Variants in CYP4F12 observed in about 807,000 individuals in gnomAD.
CYP4F12 encodes the protein cytochrome P450 family 4 subfamily F member 12.
In CYP4F12, 60 loss-of-function variants were observed where a neutral mutation model predicts 56.5. The observed-to-expected ratio is 1.06, with a 90% confidence interval of 0.86 to 1.32. The LOEUF is 1.32. Among genes scored for constraint, CYP4F12 ranks in the 40% most tolerant of loss-of-function variants. The pLI, the probability that CYP4F12 is intolerant of heterozygous loss-of-function variation, is 0.00. For missense variants in CYP4F12, 711 were observed against 683.5 expected (o/e 1.04, Z -0.45); for synonymous variants, 263 against 264.9 (o/e 0.99, Z 0.07).
intron 12 of CYP4F12, 63 bp downstream of exon 12, chr19:15,696,575 G>T (rs969154348): frequency 1.3e-6 from 2 of 1,538,242 alleles, no homozygotes; most frequent in Non-Finnish European, 1.8e-6. Context: ...AAAAAAGGGG[G>T]ACGTTGCAGA....
At position 15,692,084 on chromosome 19, in the gene CYP4F12, G is replaced by A. The variant is rs540070985; in HGVS notation, c.1116-3852G>A. On this transcript the variant is annotated intron_variant, in intron 9 of 12. Coordinates refer to ENST00000550308, the MANE Select transcript of CYP4F12 (RefSeq NM_023944.4). Reference sequence around the variant, plus strand: ...AGCTATTCTCCTGCCTCAGCCTCCCGAGTAACTGGGACTACAGGCACCCTC... The same window carrying A: ...AGCTATTCTCCTGCCTCAGCCTCCCAAGTAACTGGGACTACAGGCACCCTC... Among the ~76,000 whole-genome samples the A allele has an allele frequency of 7.2e-5, 11 of 151,992 alleles. No individual in the cohort carries two copies. The East Asian group carries it at 1.4e-3, about 19-fold the overall frequency.
At chr19:15,677,530 C>T (rs1480281213) in intron 2 of CYP4F12, among the ~76,000 whole-genome samples, 2 of 59,600 alleles carry the variant, frequency 3.4e-5, no homozygotes, top group Non-Finnish European at 3.4e-5. Context: ...ACTCATTCCT[C>T]TCCTCACTCG....
intron 12 of CYP4F12, 33 bp from the exon 13 acceptor site, chr19:15,696,875 G>A (rs548950655): frequency 2.5e-6 from 4 of 1,586,954 alleles, no homozygotes; most frequent in Admixed American, 1.7e-5. Context: ...TGCGGGTCTT[G>A]GGCACAGTCA....
chr19:15,696,347 A>G (rs688231), intron 11 of CYP4F12, 83 bp from the exon 12 acceptor site: 396,249 of 1,607,930 alleles, frequency 0.25, 51,225 homozygotes, highest in African/African-American at 0.4. Context: ...ACATCACCTC[A>G]CCCCAAAACA....
intron 9 of CYP4F12, among the ~76,000 whole-genome samples, chr19:15,689,970 G>T (rs1177655088): frequency 7.2e-5 from 11 of 152,176 alleles, no homozygotes; most frequent in Non-Finnish European, 1.6e-4. Context: ...TGGGAGCCGG[G>T]TAAGGGAGAA....
chr19:15,676,097 G>A (rs1234032621), intron 2 of CYP4F12, among the ~76,000 whole-genome samples: 1 of 152,142 alleles, frequency 6.6e-6, no homozygotes, highest in East Asian at 1.9e-4. Context: ...CAGCAGAAGA[G>A]AGAGCAAGTT....
intron 8 of CYP4F12, 58 bp downstream of exon 8, chr19:15,684,940 G>C: frequency 6.4e-7 from 1 of 1,567,480 alleles, no homozygotes; most frequent in Non-Finnish European, 8.7e-7. Context: ...CTCAGGATCC[G>C]GGTGGGTGGA....
chr19:15,678,431 G>C (rs753522189), intron 3 of CYP4F12, 26 bp downstream of exon 3: 1 of 1,613,802 alleles, frequency 6.2e-7, no homozygotes, highest in East Asian at 2.2e-5. Context: ...TTGTGGTGGT[G>C]GGTGCCAGAC....
At chr19:15,679,030 C>T (rs2007139065) in intron 3 of CYP4F12, among the ~76,000 whole-genome samples, 3 of 152,198 alleles carry the variant, frequency 2.0e-5, no homozygotes, top group African/African-American at 7.2e-5. Flanking sequence ...CAGGATTCTC[C>T]AATAGGAGAA....
chr19:15,676,446 C>CCAATACCAA (rs2006934402), intron 2 of CYP4F12, among the ~76,000 whole-genome samples: 2 of 19,932 alleles, frequency 1.0e-4, no homozygotes, highest in Non-Finnish European at 2.1e-4. Flanking sequence ...CTCACTCATT[C>CCAATACCAA]CTCTCCTCAT....
At chr19:15,688,813 C>T (rs912402175) in intron 9 of CYP4F12, among the ~76,000 whole-genome samples, 2 of 152,180 alleles carry the variant, frequency 1.3e-5, no homozygotes, top group African/African-American at 4.8e-5. Flanking sequence ...CAAATACTTA[C>T]AGCCAACTGA....
In CYP4F12 at chr19:15,683,766, AG is replaced by A; in HGVS notation, c.918+5del. 1 of 1,532,112 alleles carries A rather than the reference AG, an allele frequency of 6.5e-7. No homozygotes were observed. The highest frequency in any genetic ancestry group is 1.4e-5 in the African/African-American group (1 of 72,276). The allele number at this position is 1,532,112 out of a possible 1,614,324, so 94.9% of individuals were successfully genotyped here. On this transcript the variant is annotated splice_donor_region_variant and intron_variant, in intron 7 of 12. Transcript: ENST00000550308. The stretch of plus-strand genomic sequence containing the variant: ...TTGATGTGCTTCTGCTGAGCAAGGT[AG>A]GTTTCTCTATGATCTGAATTTAGGT...
intron 9 of CYP4F12, among the ~76,000 whole-genome samples, chr19:15,695,270 G>A (rs976695753): frequency 3.4e-5 from 5 of 145,726 alleles, no homozygotes; most frequent in Non-Finnish European, 4.5e-5. Context: ...ACCAAACACC[G>A]CATGTTCTCA....
At chr19:15,674,933 G>T (rs2006845125) in intron 2 of CYP4F12, among the ~76,000 whole-genome samples, 1 of 152,054 alleles carries the variant, frequency 6.6e-6, no homozygotes, top group African/African-American at 2.4e-5. Flanking sequence ...AGCCTTCTGA[G>T]CCCCGATAGA....
At position 15,678,187 on chromosome 19, in the gene CYP4F12, C is replaced by A; in HGVS notation, c.199-74C>A. Reference sequence around the variant, plus strand: ...AATAATGTTTGACTGGCTATCTGGGCATCCCTTAGCCCAGTCTAGTGGACA... The same window carrying A: ...AATAATGTTTGACTGGCTATCTGGGAATCCCTTAGCCCAGTCTAGTGGACA... On this transcript the variant is annotated intron_variant, in intron 2 of 12. Coordinates refer to ENST00000550308, the MANE Select transcript of CYP4F12 (RefSeq NM_023944.4). 2.5e-6 allele frequency: 4 copies of A among 1,574,976 alleles called. No individual in the cohort carries two copies. In the South Asian group the frequency reaches 3.4e-5, roughly 13 times the overall value.
chr19:15,680,771 T>TA (rs2007254036), intron 5 of CYP4F12: 1 of 521,540 alleles, frequency 1.9e-6, no homozygotes, highest in South Asian at 2.0e-5. Context: ...CTCAAGAGAG[T>TA]AAAAATGAAG....
chr19:15,687,290 A>G (rs57790506), intron 9 of CYP4F12, among the ~76,000 whole-genome samples: 2 of 134,684 alleles, frequency 1.5e-5, no homozygotes, highest in Non-Finnish European at 3.2e-5. Context: ...AAAAAAAAAA[A>G]AAGAGCTTCC....
chr19:15,682,965 G>C (rs1403909080), intron 6 of CYP4F12, among the ~76,000 whole-genome samples: 2 of 152,120 alleles, frequency 1.3e-5, no homozygotes, highest in African/African-American at 4.8e-5. Flanking sequence ...TCAAATTCCT[G>C]ACCTCAGGTG....
Position 15,696,021 on chromosome 19 carries a change from T to G in CYP4F12, c.1201T>G (p.Cys401Gly), listed in dbSNP as rs745924860. Reference protein sequence around the residue: ...LHPPAPFISRCCTQDIVLPDG... With the variant: ...LHPPAPFISRGCTQDIVLPDG... ...TCCCCCAGCTCCCTTCATCTCCCGATGCTGCACCCAGGACATTGTTCTCCC... is the reference window on the plus strand; with the variant it reads ...TCCCCCAGCTCCCTTCATCTCCCGAGGCTGCACCCAGGACATTGTTCTCCC... The change falls in exon 10 of 13, where the codon TGC (cysteine) becomes GGC (glycine). Residue 401 changes from cysteine (C) to glycine (G), a missense_variant. Cys to Gly is a radical substitution (Grantham distance 159). Coordinates refer to ENST00000550308, the MANE Select transcript of CYP4F12 (RefSeq NM_023944.4). 2 of 1,614,072 alleles carry G rather than the reference T, an allele frequency of 1.2e-6. No individual in the cohort carries two copies. The highest frequency in any genetic ancestry group is 1.7e-6 in the Non-Finnish European group (2 of 1,179,982).
Sources: gnomAD v4.1 joint callset for allele counts (sites outside exome capture counted in the v4.1 genomes callset) on GRCh38, gnomAD v4.1.1 for gene constraint, MANE v1.5 for transcripts, NCBI Gene and HGNC (gene_info 2026-07-23, HGNC 2026-07-21) for gene names.